Variants in ADAMTSL4 observed in about 807,000 individuals in gnomAD.
ADAMTSL4 encodes the protein ADAMTS-like protein 4.
Under a neutral mutation model 122.8 loss-of-function variants are expected in ADAMTSL4, and 97 were observed. The ratio of observed to expected loss-of-function variants is 0.79; its 90% CI spans 0.67 to 0.93. ADAMTSL4 has a LOEUF of 0.93. ADAMTSL4 is among the 40% of genes least tolerant of loss of function. The pLI is 0.00. For synonymous variants in ADAMTSL4, 592 were observed against 568.0 expected (o/e 1.04, Z -0.60); for missense variants, 1,408 against 1,453.5 (o/e 0.97, Z 0.51).
rs41317515 is a variant in ADAMTSL4, at chr1:150,553,568, G to C, written c.577G>C (p.Ala193Pro). ...LSLISSRGEE[A>P]IPSPTPRAEP... ...CCTGATCTCTTCTAGAGGGGAAGAGGCTATTCCGTCCCCTACTCCAAGAGC... is the reference window on the plus strand; with the variant it reads ...CCTGATCTCTTCTAGAGGGGAAGAGCCTATTCCGTCCCCTACTCCAAGAGC... The change falls in exon 6 of 19, where the codon GCT becomes CCT. Residue 193 changes from alanine (A) to proline (P), a missense_variant. By Grantham distance (27) the Ala-to-Pro change is conservative. Transcript: ENST00000271643. 849,416 of 1,613,072 alleles carry C rather than the reference G, an allele frequency of 0.53. 225,534 individuals are homozygous for C. The highest frequency in any genetic ancestry group is 0.6 in the African/African-American group (44,676 of 74,636).
rs747160538 is a variant in ADAMTSL4, at chr1:150,558,029, TG to T, written c.2270del (p.Gly757ValfsTer62). On this transcript the variant is annotated frameshift_variant, in exon 14 of 19. Coordinates refer to ENST00000271643, the MANE Select transcript of ADAMTSL4 (RefSeq NM_019032.6). LOFTEE classifies it high-confidence loss of function. ...GCCAGCTGCAGTGCCGGCAGGAATTTGGGGGGGGTGGCTCCTCGGTGCCCCC... is the reference window on the plus strand; with the variant it reads ...GCCAGCTGCAGTGCCGGCAGGAATTTGGGGGGGTGGCTCCTCGGTGCCCCC... ...HRQLQCRQEF[G>X]GGGSSVPPER... 66 of 1,611,512 alleles carry T rather than the reference TG, an allele frequency of 4.1e-5. No individual in the cohort carries two copies. The highest frequency in any genetic ancestry group is 2.4e-4 in the South Asian group (22 of 91,026).
chr1:150,555,812 TGC>T (rs1491366025), intron 8 of ADAMTSL4: 8 of 626,974 alleles, frequency 1.3e-5, no homozygotes, highest in Admixed American at 2.5e-5. Context: ...CATGAACACA[TGC>T]ACACACACGT....
rs1276393072 is a variant in ADAMTSL4 at position 150,554,610 on chromosome 1, G to C, written c.1234+143G>C. On this transcript the variant is annotated intron_variant, in intron 7 of 18. Transcript: ENST00000271643. This position sits in a 1 kb window ranked among gnomAD's most constrained non-coding sequence, Gnocchi z 4.0. ...CCATGCCTTCTTTCTTCTCCCTGGG[G>C]CTGGGTCAGGAGACAGCACAGGTGG... 1 of 1,547,298 alleles carries C rather than the reference G, an allele frequency of 6.5e-7. No individual in the cohort carries two copies. The highest frequency in any genetic ancestry group is 2.4e-5 in the East Asian group (1 of 40,910).
Position 150,559,284 on chromosome 1 carries a change from T to G in ADAMTSL4, c.2764-3T>G. 1 of 1,612,470 alleles carries G rather than the reference T, an allele frequency of 6.2e-7. No individual in the cohort carries two copies. Among genetic ancestry groups the G allele is most frequent in the Non-Finnish European group, 8.5e-7 (1 of 1,178,748 alleles). ...TCATCACCCTGCCCTCCCCCTACAC[T>G]AGTGCTCCTCCGAATGTGGCTCTGG... On this transcript the variant is annotated splice_region_variant and splice_polypyrimidine_tract_variant and intron_variant, in intron 16 of 18. Coordinates refer to ENST00000271643, the MANE Select transcript of ADAMTSL4 (RefSeq NM_019032.6). This position sits in a 1 kb window ranked among gnomAD's most constrained non-coding sequence, Gnocchi z 4.1.
chr1:150,559,794 C>T lies in ADAMTSL4; in HGVS notation c.2977C>T (p.Arg993Trp), dbSNP rs202246511. 89 of 1,613,862 alleles carry T rather than the reference C, an allele frequency of 5.5e-5. No homozygotes were observed. The Middle Eastern group carries it at 8.2e-4, about 15-fold the overall frequency. Residue 993 changes from arginine (R) to tryptophan (W), a missense_variant, in exon 18 of 19, where the codon CGG becomes TGG. Arg to Trp is a moderately radical substitution (Grantham distance 101). Transcript: ENST00000271643. The surrounding 1 kb of genome is among the most constrained non-coding windows in gnomAD (Gnocchi z 4.1). ...CTCCTGCCAAGGGGGAACGCAGACACGGGAGGTCCAGTGCCTGAGCACCAA... is the reference window on the plus strand; with the variant it reads ...CTCCTGCCAAGGGGGAACGCAGACATGGGAGGTCCAGTGCCTGAGCACCAA... Reference protein sequence around the residue: ...SRSCQGGTQTREVQCLSTNQT... With the variant: ...SRSCQGGTQTWEVQCLSTNQT...
rs587725841 is a variant in ADAMTSL4, at chr1:150,549,939, G to A, written c.-85+44G>A. 1.7e-4 allele frequency: 42 copies of A among 249,260 alleles called. No homozygotes were observed. The highest frequency in any genetic ancestry group is 2.8e-4 in the Non-Finnish European group (34 of 120,706). The allele number at this position is 249,260 out of a possible 1,614,324, so 15.4% of individuals were successfully genotyped here. On this transcript the variant is annotated intron_variant, in intron 2 of 18. Coordinates refer to ENST00000271643, the MANE Select transcript of ADAMTSL4 (RefSeq NM_019032.6). This position sits in a 1 kb window ranked among gnomAD's most constrained non-coding sequence, Gnocchi z 5.0. ...GCTCAGCCCGATGGCAGAAGAGGTT[G>A]ACAAAAAAGAAAGACACCTGTTGGG...
At chr1:150,555,668 C>T in intron 8 of ADAMTSL4, 103 bp downstream of exon 8, 6 of 1,496,732 alleles carry the variant, frequency 4.0e-6, no homozygotes, top group East Asian at 2.4e-5. Flanking sequence ...AACACATGCA[C>T]ACATGCAAGC....
chr1:150,550,061 C>T, intron 2 of ADAMTSL4, 166 bp downstream of exon 2: 1 of 353,380 alleles, frequency 2.8e-6, no homozygotes, highest in Non-Finnish European at 5.7e-6. Flanking sequence ...ACACAGGGTC[C>T]AACCACTCTC....
chr1:150,556,471 C>A lies in ADAMTSL4; in HGVS notation c.1576+105C>A. On this transcript the variant is annotated intron_variant, in intron 9 of 18. Coordinates refer to ENST00000271643, the MANE Select transcript of ADAMTSL4 (RefSeq NM_019032.6). The surrounding 1 kb of genome is among the most constrained non-coding windows in gnomAD (Gnocchi z 4.1). Reference sequence around the variant, plus strand: ...AAACAGGGGGAAGTCCAGGGCCTAGCCCCTCCCCTCGTGGAAGGAGTGAGG... The same window carrying A: ...AAACAGGGGGAAGTCCAGGGCCTAGACCCTCCCCTCGTGGAAGGAGTGAGG... 2 of 1,564,948 alleles carry A rather than the reference C, an allele frequency of 1.3e-6. No homozygotes were observed. Among genetic ancestry groups the A allele is most frequent in the African/African-American group, 1.4e-5 (1 of 73,890 alleles).
chr1:150,557,535 G>C lies in ADAMTSL4; in HGVS notation c.2089G>C (p.Gly697Arg). The C allele has an allele frequency of 6.2e-6, 10 of 1,612,176 alleles. No individual in the cohort carries two copies. Among genetic ancestry groups the C allele is most frequent in the Non-Finnish European group, 7.6e-6 (9 of 1,179,560 alleles). The change falls in exon 13 of 19, where the codon GGA becomes CGA. Residue 697 changes from glycine (G) to arginine (R), a missense_variant. Transcript: ENST00000271643. ...PIFLCISRESGEELDERSCAA... is the reference protein window; with the variant it reads ...PIFLCISRESREELDERSCAA... ...TTTCCTCTGCATCTCCCGTGAGTCG[G>C]GAGAGGAACTGGATGAACGCAGCTG...
In ADAMTSL4 at chr1:150,552,890, CTATA is replaced by C; in HGVS notation, c.79-5_79-2del. The stretch of plus-strand genomic sequence containing the variant: ...TTCCAATTCTGTCTGACCTTTTTCT[CTATA>C]TAGGTGTTGTCCGGACACTCTCTTC... On this transcript the variant is annotated splice_region_variant and splice_polypyrimidine_tract_variant and intron_variant, in intron 4 of 18. Transcript: ENST00000271643. The surrounding 1 kb of genome is among the most constrained non-coding windows in gnomAD (Gnocchi z 4.0). The C allele has an allele frequency of 6.2e-7, 1 of 1,611,126 alleles. No individual in the cohort carries two copies. Among genetic ancestry groups the C allele is most frequent in the Non-Finnish European group, 8.5e-7 (1 of 1,179,282 alleles).
chr1:150,559,918 C>CG lies in ADAMTSL4; in HGVS notation c.3088+13_3088+14insG, dbSNP rs746658394. On this transcript the variant is annotated intron_variant, in intron 18 of 18. Transcript: ENST00000271643. This position sits in a 1 kb window ranked among gnomAD's most constrained non-coding sequence, Gnocchi z 4.1. Reference sequence around the variant, plus strand: ...AGCCAGCGCCCTGGTAAAGAGCCCCCTCTCCCCAATCCCCAATACAGTGGA... The same window carrying CG: ...AGCCAGCGCCCTGGTAAAGAGCCCCCGTCTCCCCAATCCCCAATACAGTGGA... The CG allele has an allele frequency of 6.2e-7, 1 of 1,613,834 alleles. No homozygotes were observed. The highest frequency in any genetic ancestry group is 8.5e-7 in the Non-Finnish European group (1 of 1,180,010).
intron 2 of ADAMTSL4, chr1:150,551,310 GCTT>G (rs1671384721): frequency 6.0e-6 from 2 of 334,678 alleles, no homozygotes; most frequent in Non-Finnish European, 5.9e-6. Flanking sequence ...TACATTGCCG[GCTT>G]CTTCTCTAGA....
At position 150,556,781 on chromosome 1, in the gene ADAMTSL4, T is replaced by C. The variant is rs1231492789; in HGVS notation, c.1737T>C (p.Pro579=). ...CGGCTGAAGGCCCCACCACCCAGCCTGTGGATGTCTATGTGAGCCTGGGGC... is the reference window on the plus strand; with the variant it reads ...CGGCTGAAGGCCCCACCACCCAGCCCGTGGATGTCTATGTGAGCCTGGGGC... ...SLSAEGPTTQ[P]VDVYMIFQEE... The change falls in exon 10 of 19, where the codon CCT becomes CCC. Residue 579 remains proline (P), a synonymous_variant. Coordinates refer to ENST00000271643, the MANE Select transcript of ADAMTSL4 (RefSeq NM_019032.6). The surrounding 1 kb of genome is among the most constrained non-coding windows in gnomAD (Gnocchi z 4.1). 2 of 1,613,006 alleles carry C rather than the reference T, an allele frequency of 1.2e-6. No homozygotes were observed. The highest frequency in any genetic ancestry group is 1.3e-5 in the African/African-American group (1 of 74,924).
intron 13 of ADAMTSL4, 63 bp downstream of exon 13, chr1:150,557,686 A>G (rs1418004781): frequency 6.5e-7 from 1 of 1,542,478 alleles, no homozygotes; most frequent in Non-Finnish European, 8.8e-7. Context: ...TGCCCCCAGA[A>G]TCTTACCTGA....
chr1:150,554,615 G>A lies in ADAMTSL4; in HGVS notation c.1234+148G>A, dbSNP rs1490986592. ...CCTTCTTTCTTCTCCCTGGGGCTGG[G>A]TCAGGAGACAGCACAGGTGGTGAGT... is the stretch of plus-strand genomic sequence containing the variant. On this transcript the variant is annotated intron_variant, in intron 7 of 18. Coordinates refer to ENST00000271643, the MANE Select transcript of ADAMTSL4 (RefSeq NM_019032.6). This position sits in a 1 kb window ranked among gnomAD's most constrained non-coding sequence, Gnocchi z 4.0. 9 of 1,546,332 alleles carry A rather than the reference G, an allele frequency of 5.8e-6. No homozygotes were observed. Among genetic ancestry groups the A allele is most frequent in the African/African-American group, 5.5e-5 (4 of 73,026 alleles).
chr1:150,558,586 CAG>C lies in ADAMTSL4; in HGVS notation c.2501_2502del (p.Glu834GlyfsTer3). 1 of 1,613,870 alleles carries C rather than the reference CAG, an allele frequency of 6.2e-7. No individual in the cohort carries two copies. The highest frequency in any genetic ancestry group is 1.7e-5 in the Admixed American group (1 of 60,020). ...CASGPPQPPS[R>X]EACDMGPCTT... ...CGTCAGGCCCCCCGCAGCCCCCCAG[CAG>C]AGAGGCCTGTGACATGGGGCCCTGT... is the stretch of plus-strand genomic sequence containing the variant. On this transcript the variant is annotated frameshift_variant, in exon 15 of 19. Transcript: ENST00000271643. LOFTEE classifies it high-confidence loss of function.
intron 2 of ADAMTSL4, chr1:150,550,296 G>A (rs777969332): frequency 2.4e-5 from 11 of 452,792 alleles, no homozygotes; most frequent in Middle Eastern, 3.7e-4. Flanking sequence ...ATAAATGTGC[G>A]TGTGTTTCTG....
rs1361030057 is a variant in ADAMTSL4, at chr1:150,560,452, T to C, written c.*256T>C. Reference sequence around the variant, plus strand: ...GCATGGATATGTGTGTGCTCAAACGTGTATCACTTTTCAAAAAGAGGTTAC... The same window carrying C: ...GCATGGATATGTGTGTGCTCAAACGCGTATCACTTTTCAAAAAGAGGTTAC... On this transcript the variant is annotated 3_prime_UTR_variant, in exon 19 of 19. Transcript: ENST00000271643. 1 of 571,092 alleles carries C rather than the reference T, an allele frequency of 1.8e-6. No individual in the cohort carries two copies. Among genetic ancestry groups the C allele is most frequent in the Non-Finnish European group, 3.1e-6 (1 of 321,154 alleles). 35.4% of individuals were successfully genotyped at this position (571,092 alleles called of 1,614,324 possible). A position where few individuals can be genotyped will look rare whatever the true frequency, so the allele number is the denominator to read the frequency against.
Sources: allele counts gnomAD v4.1 joint callset, GRCh38; gene constraint gnomAD v4.1.1; non-coding constraint Gnocchi (gnomAD v3.1); transcripts MANE v1.5; gene names NCBI Gene and HGNC (gene_info 2026-07-23, HGNC 2026-07-21).